Variants in AMPH observed in about 807,000 individuals in gnomAD.
AMPH encodes amphiphysin.
AMPH carries 49 observed loss-of-function variants against 99.1 expected under a neutral mutation model. The ratio of observed to expected loss-of-function variants is 0.49; its 90% CI spans 0.39 to 0.63. The LOEUF (loss-of-function observed/expected upper bound fraction) is 0.63, where lower values mean the gene tolerates loss of function less well. Ranked by LOEUF, AMPH falls within the 20% of genes least tolerant of loss-of-function variation. The pLI, the probability that AMPH is intolerant of heterozygous loss-of-function variation, is 0.00. For missense variants in AMPH, 759 were observed against 863.4 expected, an observed-to-expected ratio of 0.88 and a Z score of 1.52; for synonymous variants, 314 against 317.3, an observed-to-expected ratio of 0.99 and a Z score of 0.11.
rs183237559 is a variant in AMPH at position 38,629,872 on chromosome 7, G to A, written c.69+1411C>T. Among the ~76,000 whole-genome samples the A allele has an allele frequency of 9.0e-4, 137 of 152,346 alleles. 1 individual carries two copies. Among genetic ancestry groups the A allele is most frequent in the African/African-American group, 3.1e-3 (129 of 41,584 alleles). On this transcript the variant is annotated intron_variant, in intron 1 of 20. Transcript: ENST00000356264. ...AATTCAGCTGCGGAGGGAGAGGCAG[G>A]AGGAGGATCACTTTAGTTCAGGATG...
chr7:38,443,149 C>T (rs1284320658), intron 11 of AMPH, among the ~76,000 whole-genome samples: 3 of 151,970 alleles, frequency 2.0e-5, no homozygotes, highest in Non-Finnish European at 4.4e-5. Flanking sequence ...ATGAGAAACA[C>T]AAACTACAAA....
intron 18 of AMPH, among the ~76,000 whole-genome samples, chr7:38,393,377 AT>A (rs1475719438): frequency 6.6e-6 from 1 of 152,162 alleles, no homozygotes; most frequent in Non-Finnish European, 1.5e-5. Flanking sequence ...GAACCAGACA[AT>A]GGAGGCAGGC....
At chr7:38,504,133 T>G (rs1789245081) in intron 2 of AMPH, among the ~76,000 whole-genome samples, 1 of 152,188 alleles carries the variant, frequency 6.6e-6, no homozygotes, top group African/African-American at 2.4e-5. Flanking sequence ...ATACAACATA[T>G]TTTAGAGACT....
intron 5 of AMPH, among the ~76,000 whole-genome samples, chr7:38,489,207 A>G (rs1788626573): frequency 6.6e-6 from 1 of 152,192 alleles, no homozygotes; most frequent in Non-Finnish European, 1.5e-5. Flanking sequence ...CAGTCAACTG[A>G]TCTTCAAAAA....
chr7:38,564,742 T>C (rs1206578551), intron 1 of AMPH, among the ~76,000 whole-genome samples: 1 of 152,242 alleles, frequency 6.6e-6, no homozygotes, highest in East Asian at 1.9e-4. Context: ...GGCATCCTTC[T>C]GAATTAAGAA....
intron 11 of AMPH, among the ~76,000 whole-genome samples, chr7:38,453,473 C>G (rs74932767): frequency 0.098 from 14,882 of 152,188 alleles, 985 homozygotes; most frequent in Middle Eastern, 0.2. Flanking sequence ...TAACTTTTCC[C>G]ATCACTCTCA....
intron 1 of AMPH, among the ~76,000 whole-genome samples, chr7:38,554,087 C>T (rs1187340912): frequency 6.6e-6 from 1 of 152,202 alleles, no homozygotes; most frequent in Non-Finnish European, 1.5e-5. Context: ...AATTCCCCTG[C>T]CTGGCTGGGA....
At chr7:38,486,561 G>A (rs1047190505) in intron 5 of AMPH, among the ~76,000 whole-genome samples, 3 of 152,034 alleles carry the variant, frequency 2.0e-5, no homozygotes, top group Admixed American at 6.6e-5. Context: ...GATTGCAGGG[G>A]AGAGAACACT....
intron 13 of AMPH, among the ~76,000 whole-genome samples, chr7:38,431,610 AG>A (rs1786031978): frequency 6.6e-6 from 1 of 151,506 alleles, no homozygotes; most frequent in Admixed American, 6.6e-5. Flanking sequence ...GAGCCGAGAC[AG>A]TGCCATTGCA....
intron 14 of AMPH, 93 bp from the exon 15 acceptor site, chr7:38,427,079 A>G: frequency 1.7e-6 from 2 of 1,167,976 alleles, no homozygotes; most frequent in Non-Finnish European, 2.5e-6. Context: ...GAAAGTAAAG[A>G]CTATCACAAG....
intron 1 of AMPH, among the ~76,000 whole-genome samples, chr7:38,597,521 C>CT (rs1763223407): frequency 6.6e-6 from 1 of 152,116 alleles, no homozygotes; most frequent in South Asian, 2.1e-4. Flanking sequence ...AATTCACTGT[C>CT]TGAGATTTCT....
chr7:38,494,550 C>T (rs1788854270), intron 3 of AMPH, 23 bp from the exon 4 acceptor site: 1 of 1,596,066 alleles, frequency 6.3e-7, no homozygotes, highest in Admixed American at 1.7e-5. Flanking sequence ...AGAAACAACT[C>T]CCGTTACACA....
chr7:38,631,203 C>A, intron 1 of AMPH, 80 bp downstream of exon 1: 2 of 1,341,282 alleles, frequency 1.5e-6, no homozygotes, highest in Non-Finnish European at 1.9e-6. Flanking sequence ...GGCTCGGGCC[C>A]CGCACAGCTG....
chr7:38,496,151 G>A (rs1377455861), intron 3 of AMPH, among the ~76,000 whole-genome samples: 2 of 152,144 alleles, frequency 1.3e-5, no homozygotes, highest in Non-Finnish European at 2.9e-5. Flanking sequence ...GTAAACTTAA[G>A]GTCAGTGAAT....
At chr7:38,582,400 T>C (rs533270990) in intron 1 of AMPH, among the ~76,000 whole-genome samples, 16 of 152,124 alleles carry the variant, frequency 1.1e-4, no homozygotes, top group Non-Finnish European at 2.2e-4. Context: ...AAAAAGCATA[T>C]AGATCAGGAA....
At chr7:38,450,876 C>T (rs1786984090) in intron 11 of AMPH, among the ~76,000 whole-genome samples, 3 of 151,206 alleles carry the variant, frequency 2.0e-5, no homozygotes, top group African/African-American at 7.3e-5. Context: ...AGAAGAAAAG[C>T]CAATCCAAAA....
intron 5 of AMPH, 54 bp from the exon 6 acceptor site, chr7:38,477,023 CT>C: frequency 6.6e-7 from 1 of 1,521,608 alleles, no homozygotes; most frequent in Admixed American, 1.7e-5. Flanking sequence ...AAGAGTCTCC[CT>C]TTGACAGCCA....
intron 11 of AMPH, among the ~76,000 whole-genome samples, chr7:38,454,514 T>C (rs1484745378): frequency 1.3e-5 from 2 of 151,612 alleles, no homozygotes; most frequent in Non-Finnish European, 2.9e-5. Flanking sequence ...CTGGAAGTCA[T>C]GATAATTCTT....
chr7:38,433,034 G>GC (rs1786097971), intron 12 of AMPH, among the ~76,000 whole-genome samples: 1 of 152,310 alleles, frequency 6.6e-6, no homozygotes, highest in Middle Eastern at 3.4e-3. Flanking sequence ...ATCCGATTAT[G>GC]CCCATGTCTT....
Sources: allele counts gnomAD v4.1 joint callset (sites outside exome capture counted in the v4.1 genomes callset), GRCh38; gene constraint gnomAD v4.1.1; transcripts MANE v1.5; gene names NCBI Gene and HGNC (gene_info 2026-07-23, HGNC 2026-07-21).